Variants in GEMIN7 observed in about 807,000 individuals in gnomAD.
The protein encoded by GEMIN7 is gem-associated protein 7.
GEMIN7 carries 7 observed loss-of-function variants against 7.8 expected under a neutral mutation model. The observed-to-expected ratio is 0.90, with a 90% CI of 0.51 to 1.69. The LOEUF (loss-of-function observed/expected upper bound fraction) is 1.69, where lower values mean the gene tolerates loss of function less well. GEMIN7 is among the 40% of genes most tolerant of loss of function. The probability of loss-of-function intolerance (pLI) is 0.00; values close to 1 mark genes in which losing one functional copy is unlikely to be tolerated. For synonymous variants in GEMIN7, 68 were observed against 72.4 expected, an observed-to-expected ratio of 0.94 and a Z score of 0.31; for missense variants, 159 against 176.2, an observed-to-expected ratio of 0.90 and a Z score of 0.55.
At chr19:45,075,745 A>C (rs780653589), upstream of GEMIN7, 2 of 1,613,986 alleles carry the variant, frequency 1.2e-6, no homozygotes, top group South Asian at 2.2e-5. Flanking sequence ...GCCTCTGAAG[A>C]GCTGACAGCC....
At chr19:45,076,280 T>C, upstream of GEMIN7, 1 of 1,481,958 alleles carries the variant, frequency 6.7e-7, no homozygotes, top group Non-Finnish European at 8.9e-7. This position sits in a 1 kb window ranked among gnomAD's most constrained non-coding sequence, Gnocchi z 4.9. Context: ...TTGAGTTCGA[T>C]GACGAGGTCC....
upstream of GEMIN7, chr19:45,079,150 G>A (rs1042186389): frequency 6.6e-6 from 1 of 152,248 alleles, no homozygotes; most frequent in South Asian, 2.1e-4. Context: ...AAGCCTGCGA[G>A]CCAGCCCGCG....
upstream of GEMIN7, chr19:45,076,327 G>T: frequency 7.1e-7 from 1 of 1,406,506 alleles, no homozygotes; most frequent in Non-Finnish European, 9.3e-7. This position sits in a 1 kb window ranked among gnomAD's most constrained non-coding sequence, Gnocchi z 4.9. Flanking sequence ...GGCGGCGGGC[G>T]CGGGCTCTAC....
upstream of GEMIN7, chr19:45,076,226 GC>G: frequency 6.6e-7 from 1 of 1,508,422 alleles, no homozygotes. This position sits in a 1 kb window ranked among gnomAD's most constrained non-coding sequence, Gnocchi z 4.9. Flanking sequence ...GGGGAGAAGG[GC>G]CCCAGCCTTG....
chr19:45,090,073 T>C, intron 2 of GEMIN7, 34 bp from the exon 3 acceptor site: 1 of 1,576,176 alleles, frequency 6.3e-7, no homozygotes, highest in Admixed American at 1.8e-5. Flanking sequence ...GCTTACCATG[T>C]AATGACTTCC....
At chr19:45,085,204 G>A (rs7247651) in intron 2 of GEMIN7, 85,439 of 152,116 alleles carry the variant, frequency 0.56, 24,825 homozygotes, top group African/African-American at 0.69. Flanking sequence ...ACAGGCGGGA[G>A]CCACTGTGCC....
rs1967876665 is a variant in GEMIN7 at position 45,090,958 on chromosome 19, GA to G, written c.*449del. The G allele has an allele frequency of 5.6e-6, 1 of 178,976 alleles. No individual in the cohort carries two copies. Among genetic ancestry groups the G allele is most frequent in the African/African-American group, 2.4e-5 (1 of 41,584 alleles). 11.1% of individuals were successfully genotyped at this position (178,976 alleles called of 1,614,324 possible). ...TTCTTTAATTAACTATACCGACGGGGATGGAGTCATCTTTAGGGGCTGGTAG... is the reference window on the plus strand; with the variant it reads ...TTCTTTAATTAACTATACCGACGGGGTGGAGTCATCTTTAGGGGCTGGTAG... On this transcript the variant is annotated 3_prime_UTR_variant, in exon 3 of 3. Transcript: ENST00000270257.
At chr19:45,075,894 G>C (rs780433716), upstream of GEMIN7, 14 of 1,612,220 alleles carry the variant, frequency 8.7e-6, no homozygotes, top group African/African-American at 1.3e-4. Context: ...TGAGCGTGGG[G>C]TGGGGCCAGG....
At chr19:45,088,936 C>CTTTTTTT (rs368470130) in intron 2 of GEMIN7, among the ~76,000 whole-genome samples, 3 of 143,202 alleles carry the variant, frequency 2.1e-5, no homozygotes, top group Non-Finnish European at 1.5e-5. Flanking sequence ...CCCATCCATG[C>CTTTTTTT]TTTTTTTTTT....
upstream of GEMIN7, among the ~76,000 whole-genome samples, chr19:45,078,326 G>T (rs997807654): frequency 3.3e-5 from 5 of 152,000 alleles, no homozygotes; most frequent in Admixed American, 2.6e-4. Context: ...CTGACCTCAG[G>T]TGATCCACCC....
At chr19:45,084,213 C>CAAAAAAA (rs35661833) in intron 2 of GEMIN7, among the ~76,000 whole-genome samples, 3 of 74,494 alleles carry the variant, frequency 4.0e-5, no homozygotes, top group Non-Finnish European at 7.0e-5. Context: ...CTCCATCTCA[C>CAAAAAAA]AAAAAAAAAA....
chr19:45,087,537 G>A (rs564487891), intron 2 of GEMIN7, among the ~76,000 whole-genome samples: 4 of 152,284 alleles, frequency 2.6e-5, no homozygotes, highest in East Asian at 1.9e-4. Flanking sequence ...TGAAACTCAC[G>A]GAGGGAAAGG....
chr19:45,091,181 G>C lies in GEMIN7; in HGVS notation c.*671G>C, dbSNP rs1967881313. On this transcript the variant is annotated 3_prime_UTR_variant, in exon 3 of 3. Transcript: ENST00000270257. ...CTGGGTCACGTGGTCGTGCCCAAGC[G>C]CTCCTCCTGTTGCCCCACCTGTGGT... 1 of 167,196 alleles carries C rather than the reference G, an allele frequency of 6.0e-6. No individual in the cohort carries two copies. Among genetic ancestry groups the C allele is most frequent in the African/African-American group, 2.4e-5 (1 of 41,468 alleles). The allele number at this position is 167,196 out of a possible 1,614,324, so 10.4% of individuals were successfully genotyped here. A position where few individuals can be genotyped will look rare whatever the true frequency, so the allele number is the denominator to read the frequency against.
intron 2 of GEMIN7, among the ~76,000 whole-genome samples, chr19:45,088,121 T>C (rs1399915513): frequency 6.6e-6 from 1 of 151,388 alleles, no homozygotes; most frequent in East Asian, 1.9e-4. Context: ...AATTTTTGTA[T>C]TTTTCGTAGA....
At chr19:45,082,399 G>T (rs968064853) in intron 2 of GEMIN7, among the ~76,000 whole-genome samples, 1 of 152,104 alleles carries the variant, frequency 6.6e-6, no homozygotes, top group Non-Finnish European at 1.5e-5. Context: ...TATCCCCCAG[G>T]CTGGGTCAGG....
intron 2 of GEMIN7, among the ~76,000 whole-genome samples, chr19:45,083,932 C>G (rs1465171640): frequency 1.3e-5 from 2 of 151,828 alleles, no homozygotes; most frequent in African/African-American, 4.8e-5. Flanking sequence ...AAATTTAGGC[C>G]GGGCACGGTG....
upstream of GEMIN7, among the ~76,000 whole-genome samples, chr19:45,077,850 C>T (rs146200310): frequency 5.2e-3 from 796 of 152,002 alleles, 7 homozygotes; most frequent in African/African-American, 0.018. Flanking sequence ...TCACTGCCGC[C>T]TCCTCTGATC....
At chr19:45,084,229 A>G (rs1483509354) in intron 2 of GEMIN7, among the ~76,000 whole-genome samples, 1 of 148,868 alleles carries the variant, frequency 6.7e-6, no homozygotes, top group Non-Finnish European at 1.5e-5. Context: ...AAAAAAAAAA[A>G]AAAAGAAATT....
upstream of GEMIN7, chr19:45,079,255 G>A (rs531344365): frequency 1.2e-4 from 19 of 152,428 alleles, no homozygotes; most frequent in African/African-American, 4.6e-4. Context: ...GGCGGAAGTG[G>A]GGACACCAGT....
Sources: allele counts gnomAD v4.1 joint callset (sites outside exome capture counted in the v4.1 genomes callset), GRCh38; gene constraint gnomAD v4.1.1; non-coding constraint Gnocchi (gnomAD v3.1); transcripts MANE v1.5; gene names NCBI Gene and HGNC (gene_info 2026-07-23, HGNC 2026-07-21).